SLC28A1: variants seen among roughly 807,000 people sequenced by gnomAD.
SLC28A1 encodes solute carrier family 28 member 1, also known as sodium/nucleoside cotransporter 1.
In SLC28A1, 64 loss-of-function variants were observed where a neutral mutation model predicts 74.8. The observed-to-expected ratio is 0.86, with a 90% CI of 0.70 to 1.05. The LOEUF (loss-of-function observed/expected upper bound fraction) is 1.05, where lower values mean the gene tolerates loss of function less well. Ranked by LOEUF, SLC28A1 falls within the 50% of genes least tolerant of loss-of-function variation. The probability of loss-of-function intolerance (pLI) is 0.00; values close to 1 mark genes in which losing one functional copy is unlikely to be tolerated. For missense variants in SLC28A1, 828 were observed against 822.8 expected (o/e 1.01, Z -0.08); for synonymous variants, 359 against 335.0 (o/e 1.07, Z -0.78).
intron 12 of SLC28A1, among the ~76,000 whole-genome samples, chr15:84,928,546 CTTTCTTTCTT>C (rs1224252106): frequency 4.9e-5 from 1 of 20,284 alleles, no homozygotes; most frequent in Non-Finnish European, 7.9e-5. Flanking sequence ...TTCTTTCTTT[CTTTCTTTCTT>C]TCTTTCTTTC....
chr15:84,918,537 T>C lies in SLC28A1; in HGVS notation c.809T>C (p.Ile270Thr). ...CCTTCCCGGCAGGTTCTGCCCATCA[T>C]TGTCTTTTTCAGCTGTGTCATATCC... ...DVFAFQVLPIIVFFSCVISVL... is the reference protein window; with the variant it reads ...DVFAFQVLPITVFFSCVISVL... The change falls in exon 10 of 19, where the codon ATT (isoleucine) becomes ACT (threonine). Residue 270 changes from isoleucine (I) to threonine (T), a missense_variant. Around this residue, in one of 3 missense-constraint regions of SLC28A1, gnomAD observed 767 missense variants for 753.5 expected, o/e 1.02. Coordinates refer to ENST00000394573, the MANE Select transcript of SLC28A1 (RefSeq NM_004213.5). 6.2e-7 allele frequency: 1 copy of C among 1,613,770 alleles called. No homozygotes were observed. The highest frequency in any genetic ancestry group is 1.1e-5 in the South Asian group (1 of 91,074).
At chr15:84,949,720 GT>G (rs2079353866), downstream of SLC28A1, among the ~76,000 whole-genome samples, 1 of 152,000 alleles carries the variant, frequency 6.6e-6, no homozygotes, top group South Asian at 2.1e-4. Context: ...CTTAGGAAGG[GT>G]GTTAAGAAGC....
chr15:84,923,893 TG>T, intron 11 of SLC28A1, 91 bp from the exon 12 acceptor site: 1 of 1,564,966 alleles, frequency 6.4e-7, no homozygotes. Flanking sequence ...CCTCTTACCG[TG>T]GGACTCCCAG....
intron 15 of SLC28A1, chr15:84,939,733 T>G (rs1048656701): frequency 4.9e-5 from 7 of 142,052 alleles, no homozygotes; most frequent in Admixed American, 4.8e-4. Flanking sequence ...CAGGAATGTG[T>G]TTTTTTTTTA....
chr15:84,931,986 A>G (rs1160470713), intron 12 of SLC28A1, among the ~76,000 whole-genome samples: 2 of 148,872 alleles, frequency 1.3e-5, no homozygotes, highest in African/African-American at 2.5e-5. Flanking sequence ...TGGGCAACAG[A>G]GCAAGACTCT....
chr15:84,928,578 CTTTCTTTCTT>C (rs1970829587), intron 12 of SLC28A1, among the ~76,000 whole-genome samples: 4 of 24,362 alleles, frequency 1.6e-4, no homozygotes, highest in Admixed American at 3.6e-4. Context: ...TTCTTTCTTT[CTTTCTTTCTT>C]TCTTTCTTTC....
intron 11 of SLC28A1, among the ~76,000 whole-genome samples, chr15:84,921,763 A>T (rs1377426876): frequency 6.6e-6 from 1 of 152,128 alleles, no homozygotes; most frequent in Non-Finnish European, 1.5e-5. Flanking sequence ...TGTTCTGGTT[A>T]TTTTTTGTTT....
chr15:84,895,762 A>G (rs1016249705), intron 6 of SLC28A1: 20 of 1,226,354 alleles, frequency 1.6e-5, no homozygotes, highest in South Asian at 5.9e-5. Flanking sequence ...GCTGGGGGAA[A>G]AAAACAGTTT....
intron 9 of SLC28A1, among the ~76,000 whole-genome samples, chr15:84,910,802 G>A (rs950110688): frequency 3.3e-5 from 5 of 152,184 alleles, no homozygotes; most frequent in East Asian, 1.9e-4. Flanking sequence ...AGGCAGCTGC[G>A]TTCAAGTGCA....
At chr15:84,949,689 G>A (rs2079352471), downstream of SLC28A1, among the ~76,000 whole-genome samples, 1 of 151,210 alleles carries the variant, frequency 6.6e-6, no homozygotes, top group South Asian at 2.1e-4. Context: ...TGGATTACAG[G>A]TTTGAGCCAC....
At chr15:84,890,652 T>C in intron 5 of SLC28A1, 118 bp downstream of exon 5, 1 of 848,392 alleles carries the variant, frequency 1.2e-6, no homozygotes, top group Non-Finnish European at 1.9e-6. Context: ...GAGCACCAAC[T>C]CAGGTCCAGC....
At position 84,904,173 on chromosome 15, in the gene SLC28A1, G is replaced by C; in HGVS notation, c.538G>C (p.Val180Leu). ...CACCTCCCAGCGGCCTGAGCAACTG[G>C]TGTCCTTCGCAGGAATCTGCGTGTT... ...LDTSQRPEQL[V>L]SFAGICVFVA... is the part of the protein sequence containing the mutation. The change falls in exon 7 of 19, where the codon GTG becomes CTG. Residue 180 changes from valine (V) to leucine (L), a missense_variant. Around this residue, in one of 3 missense-constraint regions of SLC28A1, gnomAD observed 767 missense variants for 753.5 expected, o/e 1.02. Coordinates refer to ENST00000394573, the MANE Select transcript of SLC28A1 (RefSeq NM_004213.5). 1 of 1,614,222 alleles carries C rather than the reference G, an allele frequency of 6.2e-7. No homozygotes were observed. Among genetic ancestry groups the C allele is most frequent in the South Asian group, 1.1e-5 (1 of 91,088 alleles).
At chr15:84,931,956 T>C (rs1395317489) in intron 12 of SLC28A1, among the ~76,000 whole-genome samples, 2 of 151,418 alleles carry the variant, frequency 1.3e-5, no homozygotes, top group Non-Finnish European at 2.9e-5. Context: ...GAGCCAAGAT[T>C]GTACCGCTGC....
the SLC28A1 span, among the ~76,000 whole-genome samples, chr15:84,964,538 T>C: frequency 6.6e-6 from 1 of 152,250 alleles, no homozygotes; most frequent in Non-Finnish European, 1.5e-5. Context: ...GTTTACATGA[T>C]GTGAGATTTT....
chr15:84,885,258 C>T (rs1964454474), intron 1 of SLC28A1, among the ~76,000 whole-genome samples: 1 of 150,820 alleles, frequency 6.6e-6, no homozygotes, highest in Non-Finnish European at 1.5e-5. Context: ...CGTGCCCCCC[C>T]TCTTTTTTTT....
At chr15:84,931,799 C>T (rs752676383) in intron 12 of SLC28A1, among the ~76,000 whole-genome samples, 2 of 151,408 alleles carry the variant, frequency 1.3e-5, no homozygotes, top group Non-Finnish European at 2.9e-5. Context: ...GTCAGGAGTT[C>T]GAGACTAGCC....
chr15:84,909,668 A>G (rs1424789457), intron 9 of SLC28A1, among the ~76,000 whole-genome samples: 4 of 152,342 alleles, frequency 2.6e-5, no homozygotes, highest in Middle Eastern at 6.8e-3. Flanking sequence ...CAACTGTCTA[A>G]GACCAGCTTG....
intron 11 of SLC28A1, among the ~76,000 whole-genome samples, chr15:84,922,824 A>G (rs1468234426): frequency 1.3e-5 from 2 of 152,200 alleles, no homozygotes; most frequent in African/African-American, 4.8e-5. Context: ...GGCCTCTGCT[A>G]TTCGCTTGCC....
the SLC28A1 span, among the ~76,000 whole-genome samples, chr15:84,969,261 C>T: frequency 6.6e-5 from 10 of 152,252 alleles, no homozygotes; most frequent in East Asian, 7.7e-4. Flanking sequence ...GTTGCCACCA[C>T]GGGCCAGGAG....
Sources: gnomAD v4.1 joint callset for allele counts (sites outside exome capture counted in the v4.1 genomes callset) on GRCh38, gnomAD v4.1.1 for gene constraint, gnomAD v4.1.1 regional missense constraint, MANE v1.5 for transcripts, NCBI Gene and HGNC (gene_info 2026-07-23, HGNC 2026-07-21) for gene names.